SETDB1: variants seen among roughly 807,000 people sequenced by gnomAD.
The protein encoded by SETDB1 is SET domain bifurcated histone lysine methyltransferase 1.
A neutral mutation model predicts 137.4 loss-of-function variants in SETDB1; 31 were observed. The ratio of observed to expected loss-of-function variants is 0.23; its 90% CI spans 0.17 to 0.30. SETDB1 has a LOEUF of 0.30. Among genes scored for constraint, SETDB1 ranks in the 10% least tolerant of loss-of-function variants. The pLI is 1.00. For missense variants in SETDB1, 1,113 were observed against 1,631.5 expected (o/e 0.68, Z 5.47); for synonymous variants, 548 against 579.9 (o/e 0.95, Z 0.79).
chr1:150,934,625 A>C (rs1218778444), intron 3 of SETDB1, among the ~76,000 whole-genome samples: 4 of 152,158 alleles, frequency 2.6e-5, no homozygotes, highest in Non-Finnish European at 5.9e-5. Context: ...TCTCATGTTT[A>C]AAGAAGGTAA....
At chr1:150,926,834 C>T in intron 1 of SETDB1, 3 of 533,420 alleles carry the variant, frequency 5.6e-6, no homozygotes, top group South Asian at 2.8e-5. Context: ...TCCCAGGTTG[C>T]TTTACTTCTC....
At chr1:150,963,237 C>G (rs1670877667) in intron 19 of SETDB1, 98 bp downstream of exon 19, 1 of 1,147,270 alleles carries the variant, frequency 8.7e-7, no homozygotes, top group African/African-American at 1.5e-5. Context: ...GGTAAAAATT[C>G]AGATCCTAAG....
chr1:150,948,825 T>G (rs918778856), intron 10 of SETDB1, among the ~76,000 whole-genome samples: 14 of 151,830 alleles, frequency 9.2e-5, no homozygotes, highest in African/African-American at 3.4e-4. Context: ...TGGTTTCAAG[T>G]GATTGTCCTG....
rs1242112549 is a variant in SETDB1 at position 150,946,892 on chromosome 1, A to G, written c.1147A>G (p.Lys383Glu). The part of the protein sequence containing the change: ...SLVRILFLDD[K>E]RCEWIYRGST... ...TTTTCTCTCAATTCCCCAGGATGAC[A>G]AAAGATGTGAGTGGATCTATCGAGG... The change falls in exon 10 of 22, where the codon AAA (lysine) becomes GAA (glutamate). Residue 383 changes from lysine to glutamate, a missense_variant. Physicochemically the swap from Lys to Glu is moderately conservative, Grantham distance 56. Around this residue, in one of 11 missense-constraint regions of SETDB1, gnomAD observed 154 missense variants for 303.1 expected, o/e 0.51. Coordinates refer to ENST00000692827, the MANE Select transcript of SETDB1 (RefSeq NM_001366418.1). 6.2e-7 allele frequency: 1 copy of G among 1,613,732 alleles called. No homozygotes were observed.
intron 2 of SETDB1, 33 bp from the exon 3 acceptor site, chr1:150,929,934 C>T (rs375861228): frequency 6.3e-7 from 1 of 1,598,618 alleles, no homozygotes; most frequent in Non-Finnish European, 8.5e-7. Context: ...CCTCTACTGG[C>T]TTTGACCTTT....
Position 150,929,954 on chromosome 1 carries a change from G to C in SETDB1, c.261-13G>C, listed in dbSNP as rs1669673040. On this transcript the variant is annotated splice_polypyrimidine_tract_variant and intron_variant, in intron 2 of 21. Transcript: ENST00000692827. ...ACTGGCTTTGACCTTTTCTGCATGT[G>C]TTCCAATATTAGGGCAGTGACTAAT... 1 of 1,610,028 alleles carries C rather than the reference G, an allele frequency of 6.2e-7. No individual in the cohort carries two copies. The highest frequency in any genetic ancestry group is 1.7e-5 in the Admixed American group (1 of 59,030).
intron 3 of SETDB1, among the ~76,000 whole-genome samples, chr1:150,936,079 C>T (rs764704884): frequency 7.2e-5 from 11 of 152,180 alleles, no homozygotes; most frequent in Non-Finnish European, 1.5e-4. Flanking sequence ...CTCCACTTCC[C>T]GGTTTCACAC....
At position 150,947,228 on chromosome 1, in the gene SETDB1, G is replaced by A. The variant is rs375691172; in HGVS notation, c.1267+216G>A. Among the ~76,000 whole-genome samples, 10 of 152,260 alleles carry A rather than the reference G, an allele frequency of 6.6e-5. No homozygotes were observed. The South Asian group carries it at 1.7e-3, about 25-fold the overall frequency. On this transcript the variant is annotated intron_variant, in intron 10 of 21. Transcript: ENST00000692827. ...GTTCTAAACAACCACATAAAAATCT[G>A]AAACAGTTGGCTTTAGGTTAGGGTG...
chr1:150,932,072 T>C (rs957806332), intron 3 of SETDB1, among the ~76,000 whole-genome samples: 20 of 151,938 alleles, frequency 1.3e-4, no homozygotes, highest in Admixed American at 1.2e-3. Context: ...TGTTGCTGGA[T>C]TGGATTTGCT....
In SETDB1 at chr1:150,962,983, A is replaced by T; in HGVS notation, c.3304A>T (p.Thr1102Ser). ...SAQSNPDDVL[T>S]LSSSTESEGE... ...CCTCCTGCTTCCCCAGGATGTCCTG[A>T]CACTGTCCAGCAGCACAGAAAGTGA... is the stretch of plus-strand genomic sequence containing the variant. Residue 1102 changes from threonine (T) to serine (S), a missense_variant, in exon 19 of 22, where the codon ACA (threonine) becomes TCA (serine). Transcript: ENST00000692827. The T allele has an allele frequency of 1.2e-6, 2 of 1,613,932 alleles. No individual in the cohort carries two copies. Among genetic ancestry groups the T allele is most frequent in the Non-Finnish European group, 1.7e-6 (2 of 1,179,894 alleles).
chr1:150,952,099 G>A (rs1474901589), intron 14 of SETDB1, among the ~76,000 whole-genome samples: 1 of 151,502 alleles, frequency 6.6e-6, no homozygotes, highest in Non-Finnish European at 1.5e-5. Context: ...AGTGAGCCAA[G>A]ATCATGCCAC....
chr1:150,935,939 A>G (rs1669932657), intron 3 of SETDB1, among the ~76,000 whole-genome samples: 1 of 152,116 alleles, frequency 6.6e-6, no homozygotes. Flanking sequence ...TAGATAATCT[A>G]GCAACTCTGA....
chr1:150,932,609 T>G (rs185783631), intron 3 of SETDB1, among the ~76,000 whole-genome samples: 19 of 152,328 alleles, frequency 1.2e-4, no homozygotes, highest in Non-Finnish European at 2.6e-4. Flanking sequence ...CAGGCTTTAT[T>G]CAGCTTCTGG....
In SETDB1 at chr1:150,960,819, T is replaced by A. The variant is rs1558026889; in HGVS notation, c.2760T>A (p.Ser920Arg). ...NFCKDEDFST[S>R]SVWRSYATRR... is the part of the protein sequence containing the mutation. ...GTAAGGATGAGGACTTCAGCACCAG[T>A]TCAGTGTGGCGGAGCTATGCTACCC... Residue 920 changes from serine (S) to arginine (R), a missense_variant, in exon 16 of 22, where the codon AGT becomes AGA. Physicochemically the swap from Ser to Arg is moderately radical, Grantham distance 110 (BLOSUM62 -1). This residue lies in a region of SETDB1 where 373 missense variants were observed against 412.7 expected (regional missense o/e 0.90). Transcript: ENST00000692827. 6.2e-7 allele frequency: 1 copy of A among 1,606,060 alleles called. No individual in the cohort carries two copies. Among genetic ancestry groups the A allele is most frequent in the African/African-American group, 1.3e-5 (1 of 74,810 alleles).
intron 15 of SETDB1, among the ~76,000 whole-genome samples, chr1:150,959,681 T>C (rs587773051): frequency 6.6e-6 from 1 of 152,314 alleles, no homozygotes; most frequent in East Asian, 1.9e-4. Context: ...TCTGTTTCAA[T>C]AAAGTAGAAG....
chr1:150,935,194 T>C lies in SETDB1; in HGVS notation c.413-4746T>C, dbSNP rs184171600. Among the ~76,000 whole-genome samples, 8 of 152,376 alleles carry C rather than the reference T, an allele frequency of 5.3e-5. No homozygotes were observed. In the East Asian group the frequency reaches 1.5e-3, roughly 29 times the overall value. On this transcript the variant is annotated intron_variant, in intron 3 of 21. Coordinates refer to ENST00000692827, the MANE Select transcript of SETDB1 (RefSeq NM_001366418.1). The stretch of plus-strand genomic sequence containing the variant: ...TCAAATACGCCATCCCTGTGCCCTC[T>C]GGCCTCTATTATTTTTGATGGAAAG...
Position 150,960,894 on chromosome 1 carries a change from C to T in SETDB1, c.2835C>T (p.Ser945=), listed in dbSNP as rs185654998. The change falls in exon 16 of 22, where the codon TCC becomes TCT. Residue 945 remains serine (S), a synonymous_variant. Coordinates refer to ENST00000692827, the MANE Select transcript of SETDB1 (RefSeq NM_001366418.1). ...AGAACGGACTCTCTGAGACAACTTC[C>T]AAGGACTCCCACCCCCCAGATCTTG... ...QKENGLSETT[S]KDSHPPDLGP... The T allele has an allele frequency of 5.2e-5, 84 of 1,612,166 alleles. 1 individual carries two copies. The African/African-American group carries it at 9.9e-4, about 19-fold the overall frequency.
chr1:150,961,337 C>G, intron 16 of SETDB1, 146 bp downstream of exon 16: 1 of 840,078 alleles, frequency 1.2e-6, no homozygotes, highest in Non-Finnish European at 1.9e-6. Flanking sequence ...CTAACTAGCA[C>G]ATTCCTAGTG....
At position 150,960,882 on chromosome 1, in the gene SETDB1, T is replaced by C. The variant is rs756578813; in HGVS notation, c.2823T>C (p.Ser941=). Residue 941 remains serine (S), a synonymous_variant, in exon 16 of 22, where the codon TCT becomes TCC. Transcript: ENST00000692827. The part of the protein sequence containing the change: ...QTRGQKENGL[S]ETTSKDSHPP... Reference sequence around the variant, plus strand: ...GGGGCCAGAAAGAGAACGGACTCTCTGAGACAACTTCCAAGGACTCCCACC... The same window carrying C: ...GGGGCCAGAAAGAGAACGGACTCTCCGAGACAACTTCCAAGGACTCCCACC... The C allele has an allele frequency of 8.1e-6, 13 of 1,611,214 alleles. No homozygotes were observed. In the South Asian group the frequency reaches 1.4e-4, roughly 18 times the overall value.
Sources: allele counts gnomAD v4.1 joint callset (sites outside exome capture counted in the v4.1 genomes callset), GRCh38; gene constraint gnomAD v4.1.1; regional missense constraint gnomAD v4.1.1; transcripts MANE v1.5; gene names NCBI Gene and HGNC (gene_info 2026-07-23, HGNC 2026-07-21).